Variants in ZFPM1 observed in about 807,000 individuals in gnomAD.
ZFPM1 encodes zinc finger protein ZFPM1.
ZFPM1 carries 28 observed loss-of-function variants against 46.3 expected under a neutral mutation model. That is an observed-to-expected ratio of 0.60 (90% CI 0.45 to 0.83). ZFPM1 has a LOEUF of 0.83. Among genes scored for constraint, ZFPM1 ranks in the 40% least tolerant of loss-of-function variants. The pLI, the probability that ZFPM1 is intolerant of heterozygous loss-of-function variation, is 0.00. For synonymous variants in ZFPM1, 957 were observed against 675.9 expected (o/e 1.42, Z -6.45); for missense variants, 1,878 against 1,432.4 (o/e 1.31, Z -5.02).
In ZFPM1 at chr16:88,533,638, G is replaced by C; in HGVS notation, c.1680G>C (p.Ala560=). 1.4e-6 allele frequency: 2 copies of C among 1,459,516 alleles called. No homozygotes were observed. The highest frequency in any genetic ancestry group is 1.3e-5 in the South Asian group (1 of 77,224). 90.4% of individuals were successfully genotyped at this position (1,459,516 alleles called of 1,614,324 possible). A position where few individuals can be genotyped will look rare whatever the true frequency, so the allele number is the denominator to read the frequency against. ...VHSRLQQGAG[A]GAGGAQTGLF... is the part of the protein sequence containing the mutation. Reference sequence around the variant, plus strand: ...GCCGGCTGCAGCAGGGCGCGGGCGCGGGCGCCGGCGGCGCGCAGACCGGGC... The same window carrying C: ...GCCGGCTGCAGCAGGGCGCGGGCGCCGGCGCCGGCGGCGCGCAGACCGGGC... The change falls in exon 10 of 10, where the codon GCG becomes GCC. Residue 560 remains alanine, a synonymous_variant. Coordinates refer to ENST00000319555, the MANE Select transcript of ZFPM1 (RefSeq NM_153813.3).
intron 9 of ZFPM1, 38 bp from the exon 10 acceptor site, chr16:88,533,110 C>A (rs1164826831): frequency 3.4e-6 from 5 of 1,467,096 alleles, no homozygotes; most frequent in Non-Finnish European, 4.5e-6. Context: ...CAGGTCCTGC[C>A]CCAGGCCTGA....
At chr16:88,490,404 T>C (rs926917853) in intron 3 of ZFPM1, among the ~76,000 whole-genome samples, 10 of 152,232 alleles carry the variant, frequency 6.6e-5, no homozygotes, top group Non-Finnish European at 1.5e-4. Context: ...CGGGAGCAGA[T>C]GGCCGATGCA....
chr16:88,484,671 A>C (rs573210572), intron 1 of ZFPM1, among the ~76,000 whole-genome samples: 1 of 152,268 alleles, frequency 6.6e-6, no homozygotes, highest in South Asian at 2.1e-4. Flanking sequence ...GGGCAGTCGC[A>C]GCACGCAGGC....
chr16:88,534,774 CGCCCGAGGCCGT>C lies in ZFPM1; in HGVS notation c.2820_2831del (p.Glu941_Pro944del), dbSNP rs778484213. ...GGCCCGCCCCCGTCCCCGGCCGCCGCGCCCGAGGCCGTGCCGCCCCCGCCGGCGCCCCCCTCC... is the reference window on the plus strand; with the variant it reads ...GGCCCGCCCCCGTCCCCGGCCGCCGCGCCGCCCCCGCCGGCGCCCCCCTCC... On this transcript the variant is annotated inframe_deletion, in exon 10 of 10. Coordinates refer to ENST00000319555, the MANE Select transcript of ZFPM1 (RefSeq NM_153813.3). 69 of 1,204,200 alleles carry C rather than the reference CGCCCGAGGCCGT, an allele frequency of 5.7e-5. No individual in the cohort carries two copies. Among genetic ancestry groups the C allele is most frequent in the Non-Finnish European group, 6.8e-5 (66 of 968,346 alleles). The allele number at this position is 1,204,200 out of a possible 1,614,324, so 74.6% of individuals were successfully genotyped here.
intron 3 of ZFPM1, among the ~76,000 whole-genome samples, chr16:88,489,959 G>A (rs1909465666): frequency 2.0e-5 from 3 of 152,176 alleles, no homozygotes; most frequent in Admixed American, 1.3e-4. Flanking sequence ...CAGCAGAGGC[G>A]GGGTGGGGGT....
At position 88,488,865 on chromosome 16, in the gene ZFPM1, G is replaced by T. The variant is rs550260914; in HGVS notation, c.146-166G>T. ...TTTTAAAAGAGCAAGAGGAAAACTT[G>T]GATGTCTGTCCCACCCCAGTGAGAG... On this transcript the variant is annotated intron_variant, in intron 2 of 9. Coordinates refer to ENST00000319555, the MANE Select transcript of ZFPM1 (RefSeq NM_153813.3). Among the ~76,000 whole-genome samples the T allele has an allele frequency of 1.3e-3, 192 of 152,318 alleles. 1 individual carries two copies. The highest frequency in any genetic ancestry group is 1.9e-3 in the Non-Finnish European group (129 of 68,016).
At chr16:88,496,665 C>T (rs900240497) in intron 3 of ZFPM1, among the ~76,000 whole-genome samples, 1 of 151,950 alleles carries the variant, frequency 6.6e-6, no homozygotes, top group African/African-American at 2.4e-5. Context: ...GAGAAAGCAA[C>T]AGAGAGGGGG....
At chr16:88,509,624 G>A (rs975140137) in intron 3 of ZFPM1, among the ~76,000 whole-genome samples, 1 of 152,220 alleles carries the variant, frequency 6.6e-6, no homozygotes, top group Non-Finnish European at 1.5e-5. Context: ...GGCCTGGGGA[G>A]GCGGGCGGCT....
intron 4 of ZFPM1, among the ~76,000 whole-genome samples, chr16:88,526,175 C>T (rs530493383): frequency 1.9e-4 from 29 of 152,348 alleles, no homozygotes; most frequent in African/African-American, 6.5e-4. Flanking sequence ...CCCCAGCGTC[C>T]GCCGTGTGCC....
intron 1 of ZFPM1, among the ~76,000 whole-genome samples, chr16:88,485,018 C>T (rs16966535): frequency 3.9e-5 from 6 of 152,166 alleles, no homozygotes; most frequent in Non-Finnish European, 8.8e-5. Flanking sequence ...TTTGTTCGCT[C>T]GACAAGTCTG....
At position 88,498,621 on chromosome 16, in the gene ZFPM1, G is replaced by A. The variant is rs563402518; in HGVS notation, c.268+9468G>A. Among the ~76,000 whole-genome samples the A allele has an allele frequency of 2.5e-3, 379 of 152,016 alleles. 2 individuals are homozygous for A. The highest frequency in any genetic ancestry group is 8.8e-3 in the African/African-American group (363 of 41,456). On this transcript the variant is annotated intron_variant, in intron 3 of 9. Coordinates refer to ENST00000319555, the MANE Select transcript of ZFPM1 (RefSeq NM_153813.3). ...CAGGCAGAGCCGGCCTCGCTGAGCCGACGTTTGAGTTCCAAATGAACGAGG... is the reference window on the plus strand; with the variant it reads ...CAGGCAGAGCCGGCCTCGCTGAGCCAACGTTTGAGTTCCAAATGAACGAGG...
At chr16:88,509,536 A>G (rs962545317) in intron 3 of ZFPM1, among the ~76,000 whole-genome samples, 1 of 152,224 alleles carries the variant, frequency 6.6e-6, no homozygotes, top group Middle Eastern at 3.2e-3. Flanking sequence ...GCAGACTCAC[A>G]GGGTGACGCC....
At chr16:88,473,767 C>T (rs930924572) in intron 1 of ZFPM1, among the ~76,000 whole-genome samples, 9 of 152,178 alleles carry the variant, frequency 5.9e-5, no homozygotes, top group African/African-American at 1.7e-4. Context: ...GGCTTGCAGC[C>T]GCGTGCGTGG....
chr16:88,529,549 G>A (rs1912619043), intron 6 of ZFPM1, among the ~76,000 whole-genome samples: 2 of 152,186 alleles, frequency 1.3e-5, no homozygotes, highest in Non-Finnish European at 2.9e-5. Context: ...CAAAAGAGAA[G>A]CCACAGAGTC....
chr16:88,502,693 C>T (rs532602639), intron 3 of ZFPM1, among the ~76,000 whole-genome samples: 9 of 152,378 alleles, frequency 5.9e-5, no homozygotes, highest in East Asian at 5.8e-4. Flanking sequence ...GCTGCTGCTT[C>T]CCTTGACTCA....
intron 4 of ZFPM1, 84 bp downstream of exon 4, chr16:88,514,604 C>T: frequency 6.9e-7 from 1 of 1,443,136 alleles, no homozygotes; most frequent in Non-Finnish European, 9.2e-7. Context: ...GCTTAGATGC[C>T]AGCTCCGGGG....
intron 6 of ZFPM1, among the ~76,000 whole-genome samples, chr16:88,529,838 G>A (rs535269237): frequency 7.9e-5 from 12 of 152,368 alleles, no homozygotes; most frequent in Admixed American, 3.3e-4. Context: ...GGCCAGAGGG[G>A]GATGGGCTTG....
Position 88,535,192 on chromosome 16 carries a change from G to C in ZFPM1, c.*213G>C. ...TGGTGGTGGGCCAGCCTAGTTCTCT[G>C]AGCCAGCAGGCACACGCAGCCAGTG... is the stretch of plus-strand genomic sequence containing the variant. On this transcript the variant is annotated 3_prime_UTR_variant, in exon 10 of 10. Transcript: ENST00000319555. The C allele has an allele frequency of 2.1e-6, 1 of 475,084 alleles. No homozygotes were observed. The highest frequency in any genetic ancestry group is 2.0e-5 in the African/African-American group (1 of 49,354). The allele number at this position is 475,084 out of a possible 1,614,324, so 29.4% of individuals were successfully genotyped here.
At chr16:88,452,251 C>T (rs1907310991), upstream of ZFPM1, among the ~76,000 whole-genome samples, 2 of 152,208 alleles carry the variant, frequency 1.3e-5, no homozygotes, top group African/African-American at 4.8e-5. Flanking sequence ...CCCGAGCCTC[C>T]GTGAAGTGGG....
Sources: gnomAD v4.1 joint callset for allele counts (sites outside exome capture counted in the v4.1 genomes callset) on GRCh38, gnomAD v4.1.1 for gene constraint, MANE v1.5 for transcripts, NCBI Gene and HGNC (gene_info 2026-07-23, HGNC 2026-07-21) for gene names.